The following BMPR1B variants were observed in gnomAD, a reference collection of about 807,000 sequenced individuals.
BMPR1B encodes the protein bone morphogenetic protein receptor type-1B.
Under a neutral mutation model 59.1 loss-of-function variants are expected in BMPR1B, and 12 were observed. The observed-to-expected ratio is 0.20, with a 90% CI of 0.13 to 0.33. BMPR1B has a LOEUF of 0.33. Among genes scored for constraint, BMPR1B ranks in the 10% least tolerant of loss-of-function variants. BMPR1B has a pLI of 1.00. For synonymous variants in BMPR1B, 237 were observed against 207.3 expected (o/e 1.14, Z -1.23); for missense variants, 550 against 610.9 (o/e 0.90, Z 1.05).
At chr4:95,119,278 C>T (rs904845469) in intron 6 of BMPR1B, among the ~76,000 whole-genome samples, 2 of 152,036 alleles carry the variant, frequency 1.3e-5, no homozygotes, top group East Asian at 3.9e-4. Flanking sequence ...GCAGTCTTAA[C>T]GTATTTGTGT....
At chr4:95,111,400 G>T (rs1430080596) in intron 4 of BMPR1B, among the ~76,000 whole-genome samples, 1 of 151,922 alleles carries the variant, frequency 6.6e-6, no homozygotes, top group Non-Finnish European at 1.5e-5. Flanking sequence ...AGAATTAAAG[G>T]GACCAAAGTT....
chr4:94,832,146 A>C (rs1237667618), intron 1 of BMPR1B, among the ~76,000 whole-genome samples: 1 of 151,860 alleles, frequency 6.6e-6, no homozygotes, highest in African/African-American at 2.4e-5. Context: ...GGTCTATGGG[A>C]AAACTGTCTT....
intron 3 of BMPR1B, among the ~76,000 whole-genome samples, chr4:95,006,811 T>C (rs1722874277): frequency 6.6e-6 from 1 of 152,114 alleles, no homozygotes; most frequent in Non-Finnish European, 1.5e-5. Context: ...AGTGCTAGCA[T>C]TACAGGCATG....
chr4:95,055,775 T>C (rs1726881057), intron 3 of BMPR1B, among the ~76,000 whole-genome samples: 2 of 152,208 alleles, frequency 1.3e-5, no homozygotes. Flanking sequence ...CTAGCAACCG[T>C]ATGCAAGTCT....
intron 3 of BMPR1B, among the ~76,000 whole-genome samples, chr4:95,013,607 GA>G (rs1723370641): frequency 6.6e-6 from 1 of 152,100 alleles, no homozygotes; most frequent in African/African-American, 2.4e-5. Context: ...TAAAAAATTA[GA>G]AAACGTAAAC....
Position 95,129,955 on chromosome 4 carries a change from A to G in BMPR1B, c.679A>G (p.Lys227Glu), listed in dbSNP as rs574398307. Reference sequence around the variant, plus strand: ...TTGGATGGGAAAGTGGCGTGGCGAAAAGGTAGCTGTGAAAGTGTTCTTCAC... The same window carrying G: ...TTGGATGGGAAAGTGGCGTGGCGAAGAGGTAGCTGTGAAAGTGTTCTTCAC... ...EVWMGKWRGE[K>E]VAVKVFFTTE... Residue 227 changes from lysine to glutamate, a missense_variant, in exon 9 of 13, where the codon AAG becomes GAG. By Grantham distance (56) the Lys-to-Glu change is moderately conservative. This residue lies in a region of BMPR1B where 318 missense variants were observed against 284.6 expected (regional missense o/e 1.12). Coordinates refer to ENST00000515059, the MANE Select transcript of BMPR1B (RefSeq NM_001203.3). 17 of 1,614,012 alleles carry G rather than the reference A, an allele frequency of 1.1e-5. No individual in the cohort carries two copies. In the South Asian group the frequency reaches 1.3e-4, roughly 13 times the overall value.
At chr4:94,985,527 G>GTA (rs1721346560) in intron 2 of BMPR1B, among the ~76,000 whole-genome samples, 1 of 139,052 alleles carries the variant, frequency 7.2e-6, no homozygotes. Flanking sequence ...GTGTGTGTGT[G>GTA]TGTGTGTGTG....
chr4:94,958,274 A>G (rs1730230698), intron 2 of BMPR1B, among the ~76,000 whole-genome samples: 2 of 152,216 alleles, frequency 1.3e-5, no homozygotes, highest in Non-Finnish European at 2.9e-5. Flanking sequence ...GTAAAGTATT[A>G]CATAAGTAAG....
At chr4:94,950,355 G>C (rs750323997) in intron 2 of BMPR1B, among the ~76,000 whole-genome samples, 11 of 152,052 alleles carry the variant, frequency 7.2e-5, no homozygotes, top group Non-Finnish European at 1.3e-4. Context: ...TAGTCATGAA[G>C]TCTTCGCCCA....
chr4:95,117,746 A>C (rs907214844), intron 6 of BMPR1B, among the ~76,000 whole-genome samples: 1 of 152,140 alleles, frequency 6.6e-6, no homozygotes, highest in Admixed American at 6.6e-5. Context: ...CAGTCCTGCC[A>C]CTGCACTGCA....
intron 2 of BMPR1B, among the ~76,000 whole-genome samples, chr4:94,975,190 G>A (rs2149081152): frequency 6.6e-6 from 1 of 152,144 alleles, no homozygotes; most frequent in African/African-American, 2.4e-5. Context: ...ATATAGATAG[G>A]ACGCAGAATA....
At chr4:95,015,785 C>G (rs1004043973) in intron 3 of BMPR1B, among the ~76,000 whole-genome samples, 1 of 151,938 alleles carries the variant, frequency 6.6e-6, no homozygotes, top group South Asian at 2.1e-4. Flanking sequence ...CTCTGCCTCC[C>G]AGGTTCAAGT....
chr4:95,131,636 G>C, intron 10 of BMPR1B, 124 bp downstream of exon 10: 1 of 1,142,914 alleles, frequency 8.7e-7, no homozygotes, highest in Non-Finnish European at 1.3e-6. Context: ...ATTTGACGGG[G>C]AGAACCACCA....
At chr4:94,962,078 TCCTTCCTTCC>T (rs1560569150) in intron 2 of BMPR1B, among the ~76,000 whole-genome samples, 10 of 79,302 alleles carry the variant, frequency 1.3e-4, no homozygotes, top group Non-Finnish European at 1.9e-4. Flanking sequence ...TTTCTTTCCT[TCCTTCCTTCC>T]TTCCTTCCTT....
At chr4:95,116,481 A>G (rs867621968) in intron 6 of BMPR1B, among the ~76,000 whole-genome samples, 1 of 145,968 alleles carries the variant, frequency 6.9e-6, no homozygotes, top group Middle Eastern at 3.6e-3. Context: ...TTGTTGTTGC[A>G]GAGTTTTAAG....
At chr4:95,085,511 G>A (rs1411975131) in intron 3 of BMPR1B, among the ~76,000 whole-genome samples, 2 of 152,108 alleles carry the variant, frequency 1.3e-5, no homozygotes, top group Non-Finnish European at 2.9e-5. Flanking sequence ...AAGGATCTCA[G>A]ATCAAAAAGA....
intron 10 of BMPR1B, among the ~76,000 whole-genome samples, chr4:95,133,832 A>C (rs1402585034): frequency 6.7e-6 from 1 of 150,264 alleles, no homozygotes; most frequent in Admixed American, 6.6e-5. Context: ...AGCCTCCCAA[A>C]ACGCTGGGAT....
chr4:94,959,388 C>T (rs1329209320), intron 2 of BMPR1B, among the ~76,000 whole-genome samples: 4 of 152,110 alleles, frequency 2.6e-5, no homozygotes, highest in African/African-American at 9.7e-5. Flanking sequence ...CCCACCTCAC[C>T]TCTGCCTTTG....
chr4:94,995,618 G>C (rs533111296), intron 2 of BMPR1B, among the ~76,000 whole-genome samples: 1 of 152,270 alleles, frequency 6.6e-6, no homozygotes, highest in Admixed American at 6.5e-5. Context: ...ACTCCACCTA[G>C]CCCCACTTTT....
Sources: allele counts gnomAD v4.1 joint callset (sites outside exome capture counted in the v4.1 genomes callset), GRCh38; gene constraint gnomAD v4.1.1; regional missense constraint gnomAD v4.1.1; transcripts MANE v1.5; gene names NCBI Gene and HGNC (gene_info 2026-07-23, HGNC 2026-07-21).